The following GRIK1 variants were observed in gnomAD, a reference collection of about 807,000 sequenced individuals.
GRIK1 encodes the protein glutamate ionotropic receptor kainate type subunit 1, also known as glutamate receptor ionotropic, kainate 1.
A neutral mutation model predicts 105.7 loss-of-function variants in GRIK1; 69 were observed. The ratio of observed to expected loss-of-function variants is 0.65; its 90% CI spans 0.54 to 0.80. The LOEUF is 0.80. Ranked by LOEUF, GRIK1 falls within the 30% of genes least tolerant of loss-of-function variation. The pLI is 0.00. For missense variants in GRIK1, 1,109 were observed against 1,167.3 expected (o/e 0.95, Z 0.73); for synonymous variants, 438 against 431.3 (o/e 1.02, Z -0.19).
intron 1 of GRIK1, among the ~76,000 whole-genome samples, chr21:29,802,627 A>T (rs1239093025): frequency 6.6e-6 from 1 of 152,096 alleles, no homozygotes; most frequent in East Asian, 1.9e-4. Context: ...TGATCTCTGT[A>T]GTTTGGTTCA....
At chr21:29,818,918 C>T (rs749161667) in intron 1 of GRIK1, among the ~76,000 whole-genome samples, 1 of 152,002 alleles carries the variant, frequency 6.6e-6, no homozygotes, top group East Asian at 1.9e-4. Context: ...TGTTCACTAG[C>T]CTGGCATAGC....
chr21:29,568,961 C>T (rs570312133), intron 14 of GRIK1, among the ~76,000 whole-genome samples: 2 of 152,226 alleles, frequency 1.3e-5, no homozygotes, highest in African/African-American at 4.8e-5. Flanking sequence ...CTAAGGGCAG[C>T]CTTACCATCT....
In GRIK1 at chr21:29,939,013, C is replaced by A. The variant is rs1159919461; in HGVS notation, c.118+370G>T. Among the ~76,000 whole-genome samples the A allele has an allele frequency of 2.0e-5, 3 of 152,190 alleles. No individual in the cohort carries two copies. In the East Asian group the frequency reaches 5.8e-4, roughly 29 times the overall value. ...GGGACTGCGGATCTGGACTGCCAGA[C>A]GCCCACCCAGGAGGCTGGGAGAGCT... is the stretch of plus-strand genomic sequence containing the variant. On this transcript the variant is annotated intron_variant, in intron 1 of 17. Coordinates refer to ENST00000327783, the MANE Select transcript of GRIK1 (RefSeq NM_001330994.2).
intron 1 of GRIK1, among the ~76,000 whole-genome samples, chr21:29,844,158 TC>T (rs1054947129): frequency 6.6e-6 from 1 of 152,240 alleles, no homozygotes; most frequent in Non-Finnish European, 1.5e-5. Flanking sequence ...GCATTTTTTT[TC>T]CTTTGGCTTA....
intron 1 of GRIK1, among the ~76,000 whole-genome samples, chr21:29,838,346 A>G (rs2067869526): frequency 6.6e-6 from 1 of 152,186 alleles, no homozygotes; most frequent in Admixed American, 6.5e-5. Flanking sequence ...AAGAACTTCA[A>G]TGAAGACGGA....
chr21:29,656,077 G>T (rs1459205504), intron 4 of GRIK1, among the ~76,000 whole-genome samples: 1 of 151,754 alleles, frequency 6.6e-6, no homozygotes, highest in Non-Finnish European at 1.5e-5. Flanking sequence ...GAAATGAAGA[G>T]AGAAGGCCGG....
intron 16 of GRIK1, among the ~76,000 whole-genome samples, chr21:29,551,368 C>T (rs2090131880): frequency 6.6e-6 from 1 of 152,170 alleles, no homozygotes; most frequent in African/African-American, 2.4e-5. Flanking sequence ...GAAATTGAGA[C>T]TGAGAAGTTT....
intron 1 of GRIK1, among the ~76,000 whole-genome samples, chr21:29,704,662 G>A (rs2063871492): frequency 6.6e-6 from 1 of 152,166 alleles, no homozygotes; most frequent in Non-Finnish European, 1.5e-5. Context: ...TTTGAGATAC[G>A]TAGGAAAGAT....
intron 15 of GRIK1, among the ~76,000 whole-genome samples, chr21:29,560,346 T>A (rs1175271120): frequency 8.2e-5 from 9 of 110,002 alleles, no homozygotes; most frequent in African/African-American, 3.4e-4. Flanking sequence ...TTTCTTTCTT[T>A]CTTTCTTTCT....
chr21:29,708,730 A>T (rs993067522), intron 1 of GRIK1, among the ~76,000 whole-genome samples: 13 of 152,190 alleles, frequency 8.5e-5, no homozygotes, highest in African/African-American at 3.1e-4. Context: ...AGAGCCTGCA[A>T]CAGACTCACT....
intron 1 of GRIK1, chr21:29,760,144 T>G (rs1220376288): frequency 6.6e-6 from 1 of 152,258 alleles, no homozygotes; most frequent in African/African-American, 2.4e-5. Flanking sequence ...TCCAAAGCCT[T>G]ACCTGTTTCT....
intron 1 of GRIK1, among the ~76,000 whole-genome samples, chr21:29,921,475 A>G (rs2071192153): frequency 6.6e-6 from 1 of 152,168 alleles, no homozygotes; most frequent in African/African-American, 2.4e-5. Context: ...CTGTAGTAAA[A>G]GTTGAGTTTT....
intron 10 of GRIK1, among the ~76,000 whole-genome samples, chr21:29,589,415 C>A (rs1160184257): frequency 6.8e-6 from 1 of 147,858 alleles, no homozygotes; most frequent in Non-Finnish European, 1.5e-5. Flanking sequence ...TTTTGTATGA[C>A]CCTTCTGGCT....
At position 29,939,504 on chromosome 21, in the gene GRIK1, C is replaced by T; in HGVS notation, c.-4G>A. On this transcript the variant is annotated 5_prime_UTR_variant, in exon 1 of 18. Coordinates refer to ENST00000327783, the MANE Select transcript of GRIK1 (RefSeq NM_001330994.2). ...CGAGGAGTGTGCCGTGCTCCATCTTCCTAGCTTCTTAATTCATGCCGAGAT... is the reference window on the plus strand; with the variant it reads ...CGAGGAGTGTGCCGTGCTCCATCTTTCTAGCTTCTTAATTCATGCCGAGAT... The T allele has an allele frequency of 6.4e-7, 1 of 1,554,760 alleles. No individual in the cohort carries two copies. Among genetic ancestry groups the T allele is most frequent in the Non-Finnish European group, 8.7e-7 (1 of 1,147,310 alleles).
intron 1 of GRIK1, chr21:29,763,941 A>T (rs1303096386): frequency 1.3e-5 from 2 of 151,790 alleles, no homozygotes; most frequent in Non-Finnish European, 3.0e-5. Context: ...TATTTCCTGG[A>T]CACATCCAAG....
At chr21:29,695,458 ATCTATC>A (rs2063678595) in intron 1 of GRIK1, among the ~76,000 whole-genome samples, 1 of 144,616 alleles carries the variant, frequency 6.9e-6, no homozygotes, top group Non-Finnish European at 1.5e-5. Flanking sequence ...CTATCTATCT[ATCTATC>A]TATCTATCTA....
chr21:29,620,657 G>GA lies in GRIK1; in HGVS notation c.1099-21721dup, dbSNP rs56146112. 8.4e-3 allele frequency among the ~76,000 whole-genome samples: 1,169 copies of GA among 138,562 alleles called. 12 individuals are homozygous for GA. Among genetic ancestry groups the GA allele is most frequent in the African/African-American group, 0.029 (1,090 of 37,828 alleles). The allele number at this position is 138,562 out of a possible 152,430, so 90.9% of individuals were successfully genotyped here. A position where few individuals can be genotyped will look rare whatever the true frequency, so the allele number is the denominator to read the frequency against. ...ACCAGCAATTTGCCTTGGACCAAAG[G>GA]AAAAAAAAAAAGCTGTGAGGTGATG... is the stretch of plus-strand genomic sequence containing the variant. On this transcript the variant is annotated intron_variant, in intron 7 of 17. Transcript: ENST00000327783.
At position 29,587,387 on chromosome 21, in the gene GRIK1, C is replaced by T; in HGVS notation, c.1772G>A (p.Cys591Tyr). ...TTACCTTGCAATCACAAAGAGTACA[C>T]AGCTGACTCCCAAGCAGGCTAAGAG... is the stretch of plus-strand genomic sequence containing the variant. Reference protein sequence around the residue: ...YVLLACLGVSCVLFVIARFTP... With the variant: ...YVLLACLGVSYVLFVIARFTP... The change falls in exon 12 of 18, where the codon TGT (cysteine) becomes TAT (tyrosine). Residue 591 changes from cysteine to tyrosine, a missense_variant. By Grantham distance (194) the Cys-to-Tyr change is radical. Coordinates refer to ENST00000327783, the MANE Select transcript of GRIK1 (RefSeq NM_001330994.2). The T allele has an allele frequency of 1.9e-6, 3 of 1,611,116 alleles. No individual in the cohort carries two copies. Among genetic ancestry groups the T allele is most frequent in the South Asian group, 1.1e-5 (1 of 91,016 alleles).
intron 1 of GRIK1, among the ~76,000 whole-genome samples, chr21:29,869,755 C>T (rs2068948200): frequency 6.6e-6 from 1 of 152,112 alleles, no homozygotes; most frequent in Admixed American, 6.6e-5. Flanking sequence ...AAAAATAACT[C>T]ATATCCATTG....
Sources: gnomAD v4.1 joint callset for allele counts (sites outside exome capture counted in the v4.1 genomes callset) on GRCh38, gnomAD v4.1.1 for gene constraint, MANE v1.5 for transcripts, NCBI Gene and HGNC (gene_info 2026-07-23, HGNC 2026-07-21) for gene names.